The following GLMN variants were observed in gnomAD, a reference collection of about 807,000 sequenced individuals.
The protein encoded by GLMN is glomulin.
In GLMN, 75 loss-of-function variants were observed where a neutral mutation model predicts 87.8. That is an observed-to-expected ratio of 0.85 (90% CI 0.71 to 1.04). The LOEUF (loss-of-function observed/expected upper bound fraction) is 1.04. Among genes scored for constraint, GLMN ranks in the 50% least tolerant of loss-of-function variants. The probability of loss-of-function intolerance (pLI) is 0.00; values close to 1 mark genes in which losing one functional copy is unlikely to be tolerated. For missense variants in GLMN, 588 were observed against 658.8 expected, an observed-to-expected ratio of 0.89 and a Z score of 1.18; for synonymous variants, 206 against 221.6, an observed-to-expected ratio of 0.93 and a Z score of 0.63.
At chr1:92,361,952 A>AGAT in the GLMN span, among the ~76,000 whole-genome samples, 1 of 152,204 alleles carries the variant, frequency 6.6e-6, no homozygotes, top group African/African-American at 2.4e-5. Context: ...GATGCATCAC[A>AGAT]GATACAATTC....
intron 16 of GLMN, among the ~76,000 whole-genome samples, chr1:92,259,720 TTTTTTTTCTTTC>T (rs1654755016): frequency 1.4e-5 from 2 of 143,304 alleles, no homozygotes; most frequent in Non-Finnish European, 3.0e-5. Context: ...TTGTTTTTTC[TTTTTTTTCTTTC>T]TTTTTTTTTT....
intron 16 of GLMN, among the ~76,000 whole-genome samples, chr1:92,254,624 G>A (rs760189750): frequency 2.0e-5 from 3 of 151,894 alleles, no homozygotes; most frequent in Non-Finnish European, 4.4e-5. Flanking sequence ...TTAAAAAAAA[G>A]AATTTTCAAC....
At chr1:92,338,410 C>G in the GLMN span, among the ~76,000 whole-genome samples, 1 of 152,110 alleles carries the variant, frequency 6.6e-6, no homozygotes, top group Non-Finnish European at 1.5e-5. Flanking sequence ...TTAGTAATGA[C>G]GAGAGACATT....
intron 16 of GLMN, among the ~76,000 whole-genome samples, chr1:92,253,918 T>C (rs756600648): frequency 2.0e-5 from 3 of 152,096 alleles, no homozygotes; most frequent in South Asian, 4.1e-4. Context: ...GAGAATGAGT[T>C]TGATGAACTG....
At chr1:92,367,909 T>A in the GLMN span, among the ~76,000 whole-genome samples, 1 of 152,218 alleles carries the variant, frequency 6.6e-6, no homozygotes. Context: ...AATCCTTCTA[T>A]GAGAGAGTTA....
intron 3 of GLMN, among the ~76,000 whole-genome samples, chr1:92,292,853 C>A (rs1570978281): frequency 6.6e-6 from 1 of 151,070 alleles, no homozygotes; most frequent in Non-Finnish European, 1.5e-5. Flanking sequence ...CACGGCCAAA[C>A]CCTGTGTATA....
At chr1:92,263,765 ATAATTCATG>A (rs760020306) in intron 14 of GLMN, 33 bp from the exon 15 acceptor site, 5 of 992,110 alleles carry the variant, frequency 5.0e-6, no homozygotes, top group East Asian at 4.8e-5. Flanking sequence ...AGAAAGCTTT[ATAATTCATG>A]TAATTCATGT....
At chr1:92,297,234 G>T (rs1650193970) in intron 3 of GLMN, among the ~76,000 whole-genome samples, 170 bp downstream of exon 3, 1 of 150,600 alleles carries the variant, frequency 6.6e-6, no homozygotes, top group Non-Finnish European at 1.5e-5. Context: ...TTACGAACGT[G>T]AGCCACTGCG....
chr1:92,295,679 G>A (rs753369543), intron 3 of GLMN, among the ~76,000 whole-genome samples: 12 of 152,146 alleles, frequency 7.9e-5, no homozygotes, highest in Admixed American at 1.3e-4. Context: ...AGAGTGGTTA[G>A]GAGCTCCAAA....
At chr1:92,260,087 T>G (rs1225070347) in intron 16 of GLMN, among the ~76,000 whole-genome samples, 1 of 152,172 alleles carries the variant, frequency 6.6e-6, no homozygotes, top group Non-Finnish European at 1.5e-5. Flanking sequence ...AAGTGTCATT[T>G]TTTATTAACC....
In GLMN at chr1:92,294,500, TACA is replaced by T. The variant is rs756572364; in HGVS notation, c.165+2901_165+2903del. On this transcript the variant is annotated intron_variant, in intron 3 of 18. Transcript: ENST00000370360. ...TTTAATTTATGAGATTAACAATAAC[TACA>T]ACAATTATAATATACTGTAATAAAT... Among the ~76,000 whole-genome samples, 12 of 152,284 alleles carry T rather than the reference TACA, an allele frequency of 7.9e-5. No homozygotes were observed. The South Asian group carries it at 1.9e-3, about 24-fold the overall frequency.
chr1:92,341,730 C>T, the GLMN span, among the ~76,000 whole-genome samples: 1 of 152,320 alleles, frequency 6.6e-6, no homozygotes, highest in East Asian at 1.9e-4. Flanking sequence ...CTGCAACCTC[C>T]ACCTCCTGAG....
chr1:92,271,759 C>A, intron 7 of GLMN, 107 bp from the exon 8 acceptor site: 1 of 779,490 alleles, frequency 1.3e-6, no homozygotes, highest in East Asian at 2.5e-5. Flanking sequence ...TAATCACTCC[C>A]TTTGAGCGTG....
chr1:92,338,289 CT>C, the GLMN span, among the ~76,000 whole-genome samples: 1 of 152,180 alleles, frequency 6.6e-6, no homozygotes, highest in Admixed American at 6.5e-5. Flanking sequence ...TTATTGATCA[CT>C]CACAAGTTCA....
At chr1:92,266,662 G>A in intron 12 of GLMN, 38 bp downstream of exon 12, 1 of 1,433,330 alleles carries the variant, frequency 7.0e-7, no homozygotes, top group Non-Finnish European at 9.8e-7. Flanking sequence ...TTTTCTCACT[G>A]TAACTCATTA....
Position 92,250,890 on chromosome 1 carries a change from T to C in GLMN, c.1474-2901A>G, listed in dbSNP as rs563515921. On this transcript the variant is annotated intron_variant, in intron 16 of 18. Coordinates refer to ENST00000370360, the MANE Select transcript of GLMN (RefSeq NM_053274.3). The stretch of plus-strand genomic sequence containing the variant: ...CCTTCTAGCTATACAATTCTGAGCT[T>C]TGACAAAGATATATAGTGATATAAA... Among the ~76,000 whole-genome samples, 27 of 152,282 alleles carry C rather than the reference T, an allele frequency of 1.8e-4. 1 individual carries two copies. In the East Asian group the frequency reaches 5.2e-3, roughly 29 times the overall value.
chr1:92,268,199 A>C lies in GLMN; in HGVS notation c.978-64T>G, dbSNP rs534587626. Reference sequence around the variant, plus strand: ...CTATTTTAGAATGATACTTCATCTTATGAAAAATACAGCAAAAACTGAAAT... The same window carrying C: ...CTATTTTAGAATGATACTTCATCTTCTGAAAAATACAGCAAAAACTGAAAT... On this transcript the variant is annotated intron_variant, in intron 9 of 18. Transcript: ENST00000370360. 39 of 893,274 alleles carry C rather than the reference A, an allele frequency of 4.4e-5. No homozygotes were observed. In the African/African-American group the frequency reaches 5.4e-4, roughly 12 times the overall value. The allele number at this position is 893,274 out of a possible 1,614,324, so 55.3% of individuals were successfully genotyped here. A position where few individuals can be genotyped will look rare whatever the true frequency, so the allele number is the denominator to read the frequency against.
intron 7 of GLMN, among the ~76,000 whole-genome samples, chr1:92,273,448 T>G (rs890599982): frequency 5.4e-5 from 8 of 148,254 alleles, no homozygotes; most frequent in Non-Finnish European, 1.2e-4. Flanking sequence ...CCTGTTTTTT[T>G]TTTTTTTTTT....
chr1:92,258,981 G>GT (rs1283739358), intron 16 of GLMN, among the ~76,000 whole-genome samples: 3 of 152,118 alleles, frequency 2.0e-5, no homozygotes, highest in African/African-American at 4.8e-5. Context: ...ACAAGATACA[G>GT]TTTTTTCCTA....
Sources: gnomAD v4.1 joint callset for allele counts (sites outside exome capture counted in the v4.1 genomes callset) on GRCh38, gnomAD v4.1.1 for gene constraint, MANE v1.5 for transcripts, NCBI Gene and HGNC (gene_info 2026-07-23, HGNC 2026-07-21) for gene names.